Variants in DNAH8 observed in about 807,000 individuals in gnomAD.
DNAH8 encodes dynein axonemal heavy chain 8.
A neutral mutation model predicts 562.1 loss-of-function variants in DNAH8; 382 were observed. That is an observed-to-expected ratio of 0.68 (90% CI 0.63 to 0.74). The LOEUF is 0.74. DNAH8 is among the 30% of genes least tolerant of loss of function. The pLI is 0.00. For missense variants in DNAH8, 5,203 were observed against 5,620.4 expected (o/e 0.93, Z 2.37); for synonymous variants, 1,881 against 1,919.4 (o/e 0.98, Z 0.52).
At chr6:38,924,281 G>A in intron 73 of DNAH8, 119 bp downstream of exon 73, 2 of 938,718 alleles carry the variant, frequency 2.1e-6, no homozygotes, top group South Asian at 3.2e-5. Flanking sequence ...GGGAGGCTGA[G>A]GAGGGCAGAT....
intron 7 of DNAH8, 21 bp downstream of exon 7, chr6:38,737,993 G>A (rs1337504931): frequency 2.5e-6 from 4 of 1,605,040 alleles, no homozygotes; most frequent in South Asian, 2.2e-5. Flanking sequence ...TCAAACAATT[G>A]CATCTGGACT....
chr6:38,883,236 T>C, intron 54 of DNAH8, 86 bp from the exon 55 acceptor site: 1 of 1,434,712 alleles, frequency 7.0e-7, no homozygotes. Flanking sequence ...TGTATTAATT[T>C]ATAGAAGACT....
chr6:39,022,424 C>A (rs1561985326), intron 91 of DNAH8, among the ~76,000 whole-genome samples: 2 of 152,200 alleles, frequency 1.3e-5, no homozygotes, highest in Admixed American at 1.3e-4. Context: ...CAGCCTATAA[C>A]CAAAGGAGCT....
chr6:38,896,834 T>A (rs919066955), intron 60 of DNAH8, among the ~76,000 whole-genome samples: 5 of 152,270 alleles, frequency 3.3e-5, no homozygotes, highest in African/African-American at 1.2e-4. Context: ...CACCCCAGGC[T>A]GGAGCACAGT....
Position 38,911,536 on chromosome 6 carries a change from A to G in DNAH8, c.9809A>G (p.Tyr3270Cys). 4 of 1,613,876 alleles carry G rather than the reference A, an allele frequency of 2.5e-6. No individual in the cohort carries two copies. The highest frequency in any genetic ancestry group is 3.4e-6 in the Non-Finnish European group (4 of 1,179,746). The change falls in exon 66 of 93, where the codon TAT (tyrosine) becomes TGT (cysteine). Residue 3270 changes from tyrosine to cysteine, a missense_variant. Physicochemically the swap from Tyr to Cys is radical, Grantham distance 194 (BLOSUM62 -2). Coordinates refer to ENST00000327475, the MANE Select transcript of DNAH8 (RefSeq NM_001206927.2). ...TTTATAAATGGTTATAAAAACATTT[A>G]TGCTGAAAAGGTGAAGTTCATTAAT... ...LSFINGYKNI[Y>C]AEKVKFINEQ... is the part of the protein sequence containing the mutation.
intron 52 of DNAH8, among the ~76,000 whole-genome samples, chr6:38,875,300 C>T (rs1777908294): frequency 6.6e-6 from 1 of 152,178 alleles, no homozygotes; most frequent in Non-Finnish European, 1.5e-5. Flanking sequence ...AGGCCTTTTG[C>T]TTTCCCAGTA....
intron 21 of DNAH8, among the ~76,000 whole-genome samples, chr6:38,798,388 T>C (rs142971428): frequency 1.9e-4 from 29 of 152,348 alleles, no homozygotes; most frequent in African/African-American, 6.5e-4. Flanking sequence ...TAGTATTCAG[T>C]CTGTTTCTTA....
At chr6:38,769,708 T>C (rs771971957) in intron 11 of DNAH8, among the ~76,000 whole-genome samples, 2 of 152,172 alleles carry the variant, frequency 1.3e-5, no homozygotes, top group Non-Finnish European at 2.9e-5. Context: ...TCAGCTGATA[T>C]GGGGATTACC....
chr6:38,908,147 A>G (rs1474924216), intron 64 of DNAH8, 27 bp downstream of exon 64: 12 of 1,396,468 alleles, frequency 8.6e-6, no homozygotes, highest in Admixed American at 4.5e-5. Context: ...ATTTATATCT[A>G]CGTAGAAAGA....
chr6:38,789,729 C>T, intron 18 of DNAH8, 74 bp from the exon 19 acceptor site: 1 of 1,151,948 alleles, frequency 8.7e-7, no homozygotes, highest in Non-Finnish European at 1.3e-6. Context: ...ATGAAACCTT[C>T]CTGGAATGAA....
intron 79 of DNAH8, among the ~76,000 whole-genome samples, chr6:38,944,514 T>C (rs1252751383): frequency 6.6e-6 from 1 of 152,236 alleles, no homozygotes; most frequent in Non-Finnish European, 1.5e-5. Context: ...AAAGAATCAC[T>C]GCTTTGCATG....
chr6:38,960,707 G>T (rs886327243), intron 82 of DNAH8, among the ~76,000 whole-genome samples: 5 of 151,920 alleles, frequency 3.3e-5, no homozygotes, highest in African/African-American at 1.2e-4. Context: ...TAGTATGCAG[G>T]TTCCCCAAAA....
chr6:38,873,753 C>CACACACAT (rs1554123990), intron 52 of DNAH8, among the ~76,000 whole-genome samples: 2,552 of 99,138 alleles, frequency 0.026, 45 homozygotes, highest in Non-Finnish European at 0.039. Context: ...CACACACACA[C>CACACACAT]ACACACACAC....
Position 38,779,949 on chromosome 6 carries a change from G to T in DNAH8, c.2040-17G>T, listed in dbSNP as rs770649036. The T allele has an allele frequency of 1.9e-6, 3 of 1,607,164 alleles. No homozygotes were observed. Among genetic ancestry groups the T allele is most frequent in the Non-Finnish European group, 1.7e-6 (2 of 1,174,266 alleles). ...TTCTCATTTACTTTTTAACCATTCA[G>T]CTTTGATTACTTTTAGGTTTCAGAA... On this transcript the variant is annotated splice_polypyrimidine_tract_variant and intron_variant, in intron 14 of 92. Coordinates refer to ENST00000327475, the MANE Select transcript of DNAH8 (RefSeq NM_001206927.2).
intron 1 of DNAH8, among the ~76,000 whole-genome samples, chr6:38,720,001 G>A (rs1348641068): frequency 6.6e-6 from 1 of 152,122 alleles, no homozygotes; most frequent in Non-Finnish European, 1.5e-5. Context: ...ATCATTTCCA[G>A]TACCACAGAG....
intron 32 of DNAH8, among the ~76,000 whole-genome samples, chr6:38,837,431 TA>T (rs1774389295): frequency 6.6e-6 from 1 of 152,236 alleles, no homozygotes; most frequent in African/African-American, 2.4e-5. Flanking sequence ...AAGGAAAAAT[TA>T]AAAGACATGT....
chr6:38,838,944 C>A lies in DNAH8; in HGVS notation c.4466+902C>A, dbSNP rs550726538. Among the ~76,000 whole-genome samples, 7 of 152,270 alleles carry A rather than the reference C, an allele frequency of 4.6e-5. No homozygotes were observed. The South Asian group carries it at 1.5e-3, about 32-fold the overall frequency. On this transcript the variant is annotated intron_variant, in intron 33 of 92. Coordinates refer to ENST00000327475, the MANE Select transcript of DNAH8 (RefSeq NM_001206927.2). ...GCTTTAGAAAATAAGTTTATGTTGA[C>A]TTCCTTCAAAGCCACAACGTGAAAA... is the stretch of plus-strand genomic sequence containing the variant.
Position 38,843,022 on chromosome 6 carries a change from T to G in DNAH8, c.4845+119T>G. The G allele has an allele frequency of 2.0e-6, 2 of 978,412 alleles. 1 individual carries two copies. Among genetic ancestry groups the G allele is most frequent in the Non-Finnish European group, 3.0e-6 (2 of 675,278 alleles). 60.6% of individuals were successfully genotyped at this position (978,412 alleles called of 1,614,324 possible). On this transcript the variant is annotated intron_variant, in intron 35 of 92. Coordinates refer to ENST00000327475, the MANE Select transcript of DNAH8 (RefSeq NM_001206927.2). ...ACTAATTGCCCTCTATAATGCACCC[T>G]CAAAATTTGGAATGATCCTGAACAT...
At chr6:38,991,329 C>T (rs946235177) in intron 88 of DNAH8, among the ~76,000 whole-genome samples, 6 of 152,148 alleles carry the variant, frequency 3.9e-5, no homozygotes, top group Non-Finnish European at 8.8e-5. Context: ...GATGGAACCA[C>T]GAAGGTTCGT....
Sources: gnomAD v4.1 joint callset for allele counts (sites outside exome capture counted in the v4.1 genomes callset) on GRCh38, gnomAD v4.1.1 for gene constraint, MANE v1.5 for transcripts, NCBI Gene and HGNC (gene_info 2026-07-23, HGNC 2026-07-21) for gene names.